Variants in AGBL2 observed in about 807,000 individuals in gnomAD.
The protein encoded by AGBL2 is cytosolic carboxypeptidase 2.
Under a neutral mutation model 103.0 loss-of-function variants are expected in AGBL2, and 87 were observed. The observed-to-expected ratio is 0.84, with a 90% CI of 0.71 to 1.01. The LOEUF (loss-of-function observed/expected upper bound fraction) is 1.01. Ranked by LOEUF, AGBL2 falls within the 50% of genes least tolerant of loss-of-function variation. The pLI, the probability that AGBL2 is intolerant of heterozygous loss-of-function variation, is 0.00. For synonymous variants in AGBL2, 335 were observed against 356.7 expected (o/e 0.94, Z 0.69); for missense variants, 904 against 1,023.5 (o/e 0.88, Z 1.59).
intron 8 of AGBL2, among the ~76,000 whole-genome samples, chr11:47,697,702 C>T (rs1256442376): frequency 2.0e-5 from 3 of 150,538 alleles, no homozygotes; most frequent in Non-Finnish European, 3.0e-5. Flanking sequence ...TGTGCCACCA[C>T]GCCCGGCTAT....
At chr11:47,675,250 G>A (rs911787186) in intron 14 of AGBL2, among the ~76,000 whole-genome samples, 7 of 123,628 alleles carry the variant, frequency 5.7e-5, no homozygotes, top group African/African-American at 9.3e-5. Context: ...ACTCTATAGC[G>A]CAGATTGTAG....
Position 47,704,596 on chromosome 11 carries a change from GC to G in AGBL2, c.532del (p.Ala178LeufsTer41), listed in dbSNP as rs2097510920. The G allele has an allele frequency of 6.2e-7, 1 of 1,614,056 alleles. No individual in the cohort carries two copies. On this transcript the variant is annotated frameshift_variant, in exon 7 of 19. Transcript: ENST00000525123. LOFTEE classifies it high-confidence loss of function. ...CTCACATTCAATTGGCCATCTTGGA[GC>G]CTGCAGTGGCCTCTTGGTAGACAAA... Reference protein sequence around the residue: ...SILSTKRPLQAPRWPIECEVI... With the variant: ...SILSTKRPLQXPRWPIECEVI...
Position 47,710,368 on chromosome 11 carries a change from G to A in AGBL2, c.232+9C>T. 1 of 1,613,918 alleles carries A rather than the reference G, an allele frequency of 6.2e-7. No individual in the cohort carries two copies. ...GTTCTAGAGGTCACACATACTGATTGTTACTCACATAGAAGCTTCTCCTTT... is the reference window on the plus strand; with the variant it reads ...GTTCTAGAGGTCACACATACTGATTATTACTCACATAGAAGCTTCTCCTTT... On this transcript the variant is annotated intron_variant, in intron 4 of 18. Transcript: ENST00000525123.
chr11:47,707,404 A>C (rs1445701305), intron 4 of AGBL2, among the ~76,000 whole-genome samples: 1 of 152,200 alleles, frequency 6.6e-6, no homozygotes, highest in Non-Finnish European at 1.5e-5. Context: ...GAGGCCTCAC[A>C]ATCATGGCAG....
chr11:47,685,804 A>T, intron 11 of AGBL2, 89 bp downstream of exon 11: 1 of 1,336,212 alleles, frequency 7.5e-7, no homozygotes, highest in Non-Finnish European at 1.0e-6. Context: ...AAAAAGAGAT[A>T]CAAAATGCCA....
chr11:47,674,392 C>A (rs1306319277), intron 14 of AGBL2, among the ~76,000 whole-genome samples: 1 of 151,858 alleles, frequency 6.6e-6, no homozygotes, highest in Non-Finnish European at 1.5e-5. Flanking sequence ...CACAGTGAAA[C>A]CCTGTCTCTA....
intron 14 of AGBL2, among the ~76,000 whole-genome samples, chr11:47,672,346 G>A (rs1598917245): frequency 1.3e-5 from 2 of 151,630 alleles, no homozygotes; most frequent in South Asian, 2.1e-4. Context: ...ACAGGGTCTC[G>A]CTGTGTCGCT....
chr11:47,713,822 C>T (rs1184792940), intron 3 of AGBL2, among the ~76,000 whole-genome samples: 2 of 151,880 alleles, frequency 1.3e-5, no homozygotes, highest in Non-Finnish European at 2.9e-5. Flanking sequence ...ATCTCCTGAC[C>T]TCGTGCTCCA....
chr11:47,678,335 A>ATTTTTTTTTTTTTT lies in AGBL2; in HGVS notation c.2017-935_2017-934insAAAAAAAAAAAAAA, dbSNP rs771416947. 1.0e-4 allele frequency among the ~76,000 whole-genome samples: 7 copies of ATTTTTTTTTTTTTT among 67,820 alleles called. No homozygotes were observed. The South Asian group carries it at 2.3e-3, about 22-fold the overall frequency. The allele number at this position is 67,820 out of a possible 152,430, so 44.5% of individuals were successfully genotyped here. A position where few individuals can be genotyped will look rare whatever the true frequency, so the allele number is the denominator to read the frequency against. ...ATTTTATTTTATTTTATTTTATTTT[A>ATTTTTTTTTTTTTT]TTATTTTATTTTTTTTGAGACGGAG... On this transcript the variant is annotated intron_variant, in intron 13 of 18. Transcript: ENST00000525123.
intron 9 of AGBL2, among the ~76,000 whole-genome samples, chr11:47,691,487 C>T (rs575113012): frequency 3.3e-5 from 5 of 149,962 alleles, no homozygotes; most frequent in East Asian, 2.0e-4. Flanking sequence ...ACGGGCAGAT[C>T]GCGAAATCAG....
At chr11:47,683,558 C>G (rs2097410825) in intron 11 of AGBL2, among the ~76,000 whole-genome samples, 1 of 150,922 alleles carries the variant, frequency 6.6e-6, no homozygotes, top group Non-Finnish European at 1.5e-5. Flanking sequence ...ATCATGAGGT[C>G]AGGAGATTGA....
At position 47,707,747 on chromosome 11, in the gene AGBL2, A is replaced by G. The variant is rs942636411; in HGVS notation, c.233-1830T>C. 2.0e-5 allele frequency among the ~76,000 whole-genome samples: 3 copies of G among 152,214 alleles called. No homozygotes were observed. The South Asian group carries it at 6.2e-4, about 31-fold the overall frequency. ...CTCCATACCCTAACCTACACTACGT[A>G]TAAGTTTCTTTAAAATTTTGCCCAA... On this transcript the variant is annotated intron_variant, in intron 4 of 18. Transcript: ENST00000525123.
intron 8 of AGBL2, among the ~76,000 whole-genome samples, chr11:47,698,802 T>C (rs2097486796): frequency 1.3e-5 from 2 of 152,136 alleles, no homozygotes; most frequent in Admixed American, 1.3e-4. Flanking sequence ...TTTCATTCTG[T>C]TGTTGATTTC....
rs1210138812 is a variant in AGBL2, at chr11:47,677,290, AAG to A, written c.2126_2127del (p.Ser709PhefsTer3). The A allele has an allele frequency of 1.3e-6, 2 of 1,596,380 alleles. No homozygotes were observed. Among genetic ancestry groups the A allele is most frequent in the African/African-American group, 2.7e-5 (2 of 74,050 alleles). On this transcript the variant is annotated frameshift_variant, in exon 14 of 19. Transcript: ENST00000525123. LOFTEE classifies it high-confidence loss of function. Reference sequence around the variant, plus strand: ...TGTTACCTGGATTCAATGTCAGACAAAGAGATGTCACTCCAACTTCCTTCTAA... The same window carrying A: ...TGTTACCTGGATTCAATGTCAGACAAAGATGTCACTCCAACTTCCTTCTAA... ...VDLEGSWSDI[S>X]LSDIESSTSG...
intron 9 of AGBL2, among the ~76,000 whole-genome samples, 186 bp downstream of exon 9, chr11:47,691,912 CAAAGT>C (rs938764431): frequency 6.7e-6 from 1 of 149,984 alleles, no homozygotes; most frequent in African/African-American, 2.4e-5. Context: ...CTTCTATAAG[CAAAGT>C]AAACAATTTA....
Position 47,714,620 on chromosome 11 carries a change from G to C in AGBL2, c.31C>G (p.Gln11Glu). The C allele has an allele frequency of 6.2e-7, 1 of 1,613,736 alleles. No homozygotes were observed. The highest frequency in any genetic ancestry group is 1.3e-5 in the African/African-American group (1 of 74,904). MFPALETHLK[Q>E]TIPDPYEDFM... ...GGCTTTCCGTGTTGTGTACCGACCT[G>C]CTTTAGGTGCGTTTCCAAAGCTGGG... The change falls in exon 2 of 19, where the codon CAG (glutamine) becomes GAG (glutamate). Residue 11 changes from glutamine (Q) to glutamate (E), a missense_variant and splice_region_variant. Coordinates refer to ENST00000525123, the MANE Select transcript of AGBL2 (RefSeq NM_024783.4).
At chr11:47,660,668 C>T (rs1390765639) in intron 18 of AGBL2, among the ~76,000 whole-genome samples, 3 of 152,188 alleles carry the variant, frequency 2.0e-5, no homozygotes, top group African/African-American at 7.2e-5. Context: ...ATTCTCCTGC[C>T]TCAGCCTCCC....
chr11:47,690,529 G>A lies in AGBL2; in HGVS notation c.1178C>T (p.Ala393Val). The change falls in exon 10 of 19, where the codon GCA becomes GTA. Residue 393 changes from alanine to valine, a missense_variant. Physicochemically the swap from Ala to Val is moderately conservative, Grantham distance 64. Transcript: ENST00000525123. The stretch of plus-strand genomic sequence containing the variant: ...AGTGTATGTATATGGGTAGAAGTGT[G>A]CAAAGAAGCAAGTGTCCTGGTCATA... The part of the protein sequence containing the change: ...FPYDQDTCFF[A>V]HFYPYTYTDL... 6.2e-7 allele frequency: 1 copy of A among 1,614,190 alleles called. No individual in the cohort carries two copies. Among genetic ancestry groups the A allele is most frequent in the Non-Finnish European group, 8.5e-7 (1 of 1,180,052 alleles).
intron 14 of AGBL2, among the ~76,000 whole-genome samples, chr11:47,669,578 C>A (rs1208664081): frequency 6.6e-6 from 1 of 151,818 alleles, no homozygotes; most frequent in African/African-American, 2.4e-5. Flanking sequence ...ACTCAGGAGG[C>A]TAAGGCAGGA....
Sources: gnomAD v4.1 joint callset for allele counts (sites outside exome capture counted in the v4.1 genomes callset) on GRCh38, gnomAD v4.1.1 for gene constraint, MANE v1.5 for transcripts, NCBI Gene and HGNC (gene_info 2026-07-23, HGNC 2026-07-21) for gene names.